CSMD1: variants seen among roughly 807,000 people sequenced by gnomAD.
CSMD1 encodes CUB and sushi domain-containing protein 1.
A neutral mutation model predicts 417.5 loss-of-function variants in CSMD1; 213 were observed. The observed-to-expected ratio is 0.51, with a 90% CI of 0.46 to 0.57. CSMD1 has a LOEUF of 0.57. Ranked by LOEUF, CSMD1 falls within the 20% of genes least tolerant of loss-of-function variation. CSMD1 has a pLI of 0.00. For missense variants in CSMD1, 6,923 were observed against 4,529.7 expected, an observed-to-expected ratio of 1.53 and a Z score of -15.17; for synonymous variants, 2,862 against 1,736.8, an observed-to-expected ratio of 1.65 and a Z score of -16.11.
chr8:2,953,737 AC>A (rs1428684717), intron 65 of CSMD1, among the ~76,000 whole-genome samples: 5 of 152,246 alleles, frequency 3.3e-5, no homozygotes, highest in Non-Finnish European at 7.3e-5. Flanking sequence ...ACAACAAAAA[AC>A]TATAATTAAC....
chr8:4,694,633 G>C (rs1023022314), intron 1 of CSMD1, among the ~76,000 whole-genome samples: 4 of 151,964 alleles, frequency 2.6e-5, no homozygotes, highest in Admixed American at 6.5e-5. Flanking sequence ...AAAGTACTAG[G>C]ATTACAGCCG....
chr8:4,779,911 T>A (rs1469472548), intron 1 of CSMD1, among the ~76,000 whole-genome samples: 3 of 151,980 alleles, frequency 2.0e-5, no homozygotes, highest in Non-Finnish European at 4.4e-5. Context: ...TTTTTTCTTT[T>A]TTTTTTTCTC....
rs140418164 is a variant in CSMD1 at position 4,901,837 on chromosome 8, T to C, written c.85+92495A>G. On this transcript the variant is annotated intron_variant, in intron 1 of 69. Transcript: ENST00000635120. ...CTCAAAGAAATAAGATAAATCTGAG[T>C]GAGTAGCATCATGATGATGACATAT... Among the ~76,000 whole-genome samples the C allele has an allele frequency of 4.1e-4, 62 of 151,656 alleles. No individual in the cohort carries two copies. In the East Asian group the frequency reaches 0.011, roughly 27 times the overall value.
At chr8:4,752,320 T>G (rs905298239) in intron 1 of CSMD1, among the ~76,000 whole-genome samples, 1 of 152,204 alleles carries the variant, frequency 6.6e-6, no homozygotes, top group African/African-American at 2.4e-5. Flanking sequence ...TGCTTGAAAT[T>G]GCTTTATGTA....
At position 3,967,393 on chromosome 8, in the gene CSMD1, G is replaced by A. The variant is rs116196923; in HGVS notation, c.818+30510C>T. Among the ~76,000 whole-genome samples the A allele has an allele frequency of 3.0e-3, 458 of 152,110 alleles. 2 individuals are homozygous for A. The highest frequency in any genetic ancestry group is 0.01 in the African/African-American group (416 of 41,468). On this transcript the variant is annotated intron_variant, in intron 5 of 69. Coordinates refer to ENST00000635120, the MANE Select transcript of CSMD1 (RefSeq NM_033225.6). ...CTGCAGGCTCATTATTCTCTAGGGA[G>A]GTTGTCATTCAACCTGTATCACCTG... is the stretch of plus-strand genomic sequence containing the variant.
At chr8:4,649,702 C>T (rs2724995) in intron 1 of CSMD1, among the ~76,000 whole-genome samples, 129,116 of 152,144 alleles carry the variant, frequency 0.85, 55,200 homozygotes, top group African/African-American at 0.96. Flanking sequence ...AAAAATTAAA[C>T]GTTTTTGTGT....
At chr8:3,759,279 G>T (rs1052469773) in intron 5 of CSMD1, among the ~76,000 whole-genome samples, 1 of 152,118 alleles carries the variant, frequency 6.6e-6, no homozygotes, top group South Asian at 2.1e-4. Context: ...AATACGGCCT[G>T]TTAATCAGAA....
chr8:4,094,310 G>C (rs1585301060), intron 3 of CSMD1, among the ~76,000 whole-genome samples: 2 of 152,086 alleles, frequency 1.3e-5, no homozygotes, highest in African/African-American at 4.8e-5. Flanking sequence ...GAATCAGCAG[G>C]CGACTGTAGG....
chr8:4,540,094 A>G (rs1032479876), intron 2 of CSMD1, among the ~76,000 whole-genome samples: 35 of 152,164 alleles, frequency 2.3e-4, no homozygotes, highest in South Asian at 8.3e-4. Flanking sequence ...GATTATCGTG[A>G]CACCATATAT....
At chr8:4,508,176 A>T (rs751622611) in intron 2 of CSMD1, among the ~76,000 whole-genome samples, 3 of 147,296 alleles carry the variant, frequency 2.0e-5, no homozygotes, top group South Asian at 4.2e-4. Context: ...TTTTTTTTCA[A>T]TTCTGAGGAG....
At chr8:3,117,553 A>G (rs1018665734) in intron 42 of CSMD1, among the ~76,000 whole-genome samples, 6 of 152,180 alleles carry the variant, frequency 3.9e-5, no homozygotes, top group African/African-American at 1.4e-4. Flanking sequence ...TCCTGTATGT[A>G]TAGTGTGAGA....
intron 3 of CSMD1, among the ~76,000 whole-genome samples, chr8:4,148,004 G>A (rs1796355513): frequency 4.6e-5 from 7 of 152,012 alleles, no homozygotes; most frequent in South Asian, 2.1e-4. Context: ...TAAAACCACG[G>A]GTTCCATGAT....
At chr8:4,083,542 T>A (rs958956466) in intron 3 of CSMD1, among the ~76,000 whole-genome samples, 1 of 152,126 alleles carries the variant, frequency 6.6e-6, no homozygotes, top group African/African-American at 2.4e-5. Context: ...TGCCGCATAT[T>A]TACAACTGTC....
chr8:4,531,339 T>C (rs1016947560), intron 2 of CSMD1, among the ~76,000 whole-genome samples: 1 of 152,202 alleles, frequency 6.6e-6, no homozygotes, highest in African/African-American at 2.4e-5. Context: ...ATCATAAGCT[T>C]CAAGAACAGA....
chr8:4,718,741 C>A (rs1247095432), intron 1 of CSMD1, among the ~76,000 whole-genome samples: 1 of 151,736 alleles, frequency 6.6e-6, no homozygotes, highest in Non-Finnish European at 1.5e-5. Flanking sequence ...TATTAAAAAA[C>A]AACCAATTTT....
intron 2 of CSMD1, among the ~76,000 whole-genome samples, chr8:4,625,931 C>A (rs1163838436): frequency 6.6e-6 from 1 of 152,054 alleles, no homozygotes; most frequent in Non-Finnish European, 1.5e-5. Flanking sequence ...ACCATGTTGG[C>A]CAGGCTGGTC....
At chr8:4,747,963 T>G (rs1468315742) in intron 1 of CSMD1, among the ~76,000 whole-genome samples, 1 of 152,226 alleles carries the variant, frequency 6.6e-6, no homozygotes, top group African/African-American at 2.4e-5. Flanking sequence ...TGCCTTCTAC[T>G]TACCACACCG....
chr8:3,904,001 C>T (rs867116176), intron 5 of CSMD1, among the ~76,000 whole-genome samples: 30 of 151,872 alleles, frequency 2.0e-4, no homozygotes, highest in African/African-American at 6.8e-4. Flanking sequence ...AATGTCCTAC[C>T]GTCCTATCTG....
At chr8:2,983,194 TA>T (rs1295759493) in intron 54 of CSMD1, among the ~76,000 whole-genome samples, 5 of 152,012 alleles carry the variant, frequency 3.3e-5, no homozygotes, top group East Asian at 1.9e-4. Flanking sequence ...CATACATATA[TA>T]TTTTTTTTTG....
Sources: gnomAD v4.1 joint callset for allele counts (sites outside exome capture counted in the v4.1 genomes callset) on GRCh38, gnomAD v4.1.1 for gene constraint, MANE v1.5 for transcripts, NCBI Gene and HGNC (gene_info 2026-07-23, HGNC 2026-07-21) for gene names.